NWD1: variants seen among roughly 807,000 people sequenced by gnomAD.
NWD1 encodes NACHT and WD repeat domain containing 1, also known as NACHT domain- and WD repeat-containing protein 1.
In NWD1, 129 loss-of-function variants were observed where a neutral mutation model predicts 135.1. The observed-to-expected ratio is 0.96, with a 90% CI of 0.83 to 1.11. The LOEUF (loss-of-function observed/expected upper bound fraction) is 1.11. NWD1 is among the 50% of genes least tolerant of loss of function. The pLI is 0.00. For missense variants in NWD1, 1,740 were observed against 1,851.3 expected (o/e 0.94, Z 1.10); for synonymous variants, 773 against 786.0 (o/e 0.98, Z 0.28).
chr19:16,738,843 T>A (rs191836488), intron 4 of NWD1, among the ~76,000 whole-genome samples: 216 of 133,656 alleles, frequency 1.6e-3, no homozygotes, highest in African/African-American at 6.4e-3. Flanking sequence ...CATTATATAT[T>A]ATATATAATA....
rs1451487277 is a variant in NWD1, at chr19:16,724,479, C to G, written c.-7+16C>G. The G allele has an allele frequency of 4.6e-5, 7 of 152,194 alleles. No individual in the cohort carries two copies. The highest frequency in any genetic ancestry group is 3.3e-4 in the Admixed American group (5 of 15,266). 9.4% of individuals were successfully genotyped at this position (152,194 alleles called of 1,614,324 possible). A position where few individuals can be genotyped will look rare whatever the true frequency, so the allele number is the denominator to read the frequency against. On this transcript the variant is annotated intron_variant, in intron 2 of 18. Transcript: ENST00000524140. Reference sequence around the variant, plus strand: ...GGATGCCAAGGTATACGCGTGTTCTCTCTGCCTCCAGCGGTGGTTTGCTAC... The same window carrying G: ...GGATGCCAAGGTATACGCGTGTTCTGTCTGCCTCCAGCGGTGGTTTGCTAC...
chr19:16,722,788 C>T (rs569965996), intron 1 of NWD1, among the ~76,000 whole-genome samples: 51 of 151,774 alleles, frequency 3.4e-4, no homozygotes, highest in African/African-American at 1.2e-3. Context: ...CTTTAAGTCA[C>T]GTGATATTGG....
intron 6 of NWD1, among the ~76,000 whole-genome samples, 174 bp from the exon 7 acceptor site, chr19:16,759,051 G>A (rs1441083710): frequency 6.6e-6 from 1 of 150,988 alleles, no homozygotes; most frequent in East Asian, 2.0e-4. Flanking sequence ...GTCTTCCTTG[G>A]TGGGTATTGC....
chr19:16,806,155 G>A (rs1970739747), intron 17 of NWD1, among the ~76,000 whole-genome samples: 1 of 152,136 alleles, frequency 6.6e-6, no homozygotes, highest in African/African-American at 2.4e-5. Flanking sequence ...TTACAGACGT[G>A]AGTCACCACG....
At chr19:16,796,641 T>C (rs1305324424) in intron 15 of NWD1, among the ~76,000 whole-genome samples, 1 of 152,088 alleles carries the variant, frequency 6.6e-6, no homozygotes, top group Non-Finnish European at 1.5e-5. Context: ...CTTTCTTTCC[T>C]CTTCTTCCTT....
intron 9 of NWD1, among the ~76,000 whole-genome samples, chr19:16,764,466 A>ACCATCCAT (rs372770895): frequency 7.4e-5 from 11 of 147,976 alleles, no homozygotes; most frequent in African/African-American, 2.8e-4. Flanking sequence ...GCTGGTTATA[A>ACCATCCAT]CCATCCATCC....
In NWD1 at chr19:16,759,229, G is replaced by A. The variant is rs776805006; in HGVS notation, c.1774G>A (p.Gly592Ser). 3.1e-6 allele frequency: 5 copies of A among 1,613,544 alleles called. No homozygotes were observed. The highest frequency in any genetic ancestry group is 1.7e-5 in the Admixed American group (1 of 60,000). Reference protein sequence around the residue: ...VLGYIVSSRHGLSEAELKDVL... With the variant: ...VLGYIVSSRHSLSEAELKDVL... ...CCCCACTGGTCCTCCCTTCAGACAC[G>A]GTCTCTCGGAGGCGGAGCTGAAGGA... is the stretch of plus-strand genomic sequence containing the variant. The change falls in exon 7 of 19, where the codon GGT (glycine) becomes AGT (serine). Residue 592 changes from glycine to serine, a missense_variant. Gly to Ser is a moderately conservative substitution (Grantham distance 56, BLOSUM62 0). Transcript: ENST00000524140.
chr19:16,779,878 C>A (rs1225907741), intron 12 of NWD1, among the ~76,000 whole-genome samples: 1 of 152,138 alleles, frequency 6.6e-6, no homozygotes, highest in African/African-American at 2.4e-5. Flanking sequence ...TCAAGTGATC[C>A]TCCCTCCTTA....
chr19:16,742,114 C>A (rs1351779285), intron 4 of NWD1, among the ~76,000 whole-genome samples: 1 of 151,384 alleles, frequency 6.6e-6, no homozygotes, highest in African/African-American at 2.4e-5. Flanking sequence ...GTGGCTCATG[C>A]CTGTAATCCC....
At chr19:16,763,436 A>G (rs547562627) in intron 8 of NWD1, among the ~76,000 whole-genome samples, 2 of 152,242 alleles carry the variant, frequency 1.3e-5, no homozygotes, top group East Asian at 1.9e-4. Context: ...CCTGACTTGT[A>G]TAATTCAGTC....
In NWD1 at chr19:16,816,864, C is replaced by T. The variant is rs535892080; in HGVS notation, c.*1825C>T. On this transcript the variant is annotated 3_prime_UTR_variant, in exon 19 of 19. Coordinates refer to ENST00000524140, the MANE Select transcript of NWD1 (RefSeq NM_001007525.5). Reference sequence around the variant, plus strand: ...TTGGTAGTTCTGCAAATGTTAGTGTCAAATTTCATTTAAAAATATTTTAAA... The same window carrying T: ...TTGGTAGTTCTGCAAATGTTAGTGTTAAATTTCATTTAAAAATATTTTAAA... The T allele has an allele frequency of 6.6e-6, 1 of 152,164 alleles. No individual in the cohort carries two copies. The highest frequency in any genetic ancestry group is 1.5e-5 in the Non-Finnish European group (1 of 68,030). The allele number at this position is 152,164 out of a possible 1,614,324, so 9.4% of individuals were successfully genotyped here.
intron 14 of NWD1, 91 bp downstream of exon 14, chr19:16,791,713 T>C (rs1290959587): frequency 1.5e-6 from 2 of 1,314,386 alleles, no homozygotes; most frequent in Non-Finnish European, 1.1e-6. Context: ...TCTTGCCTTG[T>C]ATCTTTGTTT....
chr19:16,806,030 G>A (rs1043024491), intron 17 of NWD1, among the ~76,000 whole-genome samples: 9 of 151,900 alleles, frequency 5.9e-5, no homozygotes, highest in Non-Finnish European at 1.3e-4. Flanking sequence ...CTGCCACCAC[G>A]CCTGGTTAAT....
In NWD1 at chr19:16,800,047, G is replaced by A. The variant is rs1486882268; in HGVS notation, c.3621G>A (p.Val1207=). 2 of 1,614,230 alleles carry A rather than the reference G, an allele frequency of 1.2e-6. No homozygotes were observed. Among genetic ancestry groups the A allele is most frequent in the Non-Finnish European group, 1.7e-6 (2 of 1,180,040 alleles). Residue 1207 remains valine (V), a synonymous_variant, in exon 17 of 19, where the codon GTG becomes GTA. Transcript: ENST00000524140. ...WDLSDAHRSR[V]PAPFLDRTGL... ...TCAGCGATGCTCATAGGTCCCGGGT[G>A]CCTGCACCATTTCTGGACCGCACCG...
intron 3 of NWD1, among the ~76,000 whole-genome samples, chr19:16,733,547 CTT>C (rs1456126392): frequency 6.7e-6 from 1 of 150,346 alleles, no homozygotes; most frequent in Non-Finnish European, 1.5e-5. Flanking sequence ...TCAAGTGGCT[CTT>C]TGGGTAAAAA....
At chr19:16,797,447 C>T (rs897337748) in intron 15 of NWD1, among the ~76,000 whole-genome samples, 6 of 151,248 alleles carry the variant, frequency 4.0e-5, no homozygotes, top group African/African-American at 1.2e-4. Flanking sequence ...TCTCCTGCCT[C>T]GGCCTCCTGA....
At chr19:16,803,632 C>T (rs1468613063) in intron 17 of NWD1, among the ~76,000 whole-genome samples, 1 of 151,760 alleles carries the variant, frequency 6.6e-6, no homozygotes, top group Non-Finnish European at 1.5e-5. Context: ...ACTAGCTAGT[C>T]ATGGCCAGGT....
intron 12 of NWD1, among the ~76,000 whole-genome samples, chr19:16,783,188 T>C (rs1969920069): frequency 6.6e-6 from 1 of 152,016 alleles, no homozygotes; most frequent in Non-Finnish European, 1.5e-5. Context: ...CATGCCACCA[T>C]GCCCAACTAC....
At chr19:16,740,919 G>C (rs1316680161) in intron 4 of NWD1, among the ~76,000 whole-genome samples, 1 of 152,056 alleles carries the variant, frequency 6.6e-6, no homozygotes, top group East Asian at 1.9e-4. Context: ...AGCACTTTGA[G>C]AGGCCGAGGC....
Sources: allele counts gnomAD v4.1 joint callset (sites outside exome capture counted in the v4.1 genomes callset), GRCh38; gene constraint gnomAD v4.1.1; transcripts MANE v1.5; gene names NCBI Gene and HGNC (gene_info 2026-07-23, HGNC 2026-07-21).